The following FAM169A variants were observed in gnomAD, a reference collection of about 807,000 sequenced individuals.
FAM169A encodes the protein family with sequence similarity 169 member A, also known as soluble lamin-associated protein of 75 kDa.
A neutral mutation model predicts 75.7 loss-of-function variants in FAM169A; 24 were observed. The ratio of observed to expected loss-of-function variants is 0.32; its 90% CI spans 0.23 to 0.45. The LOEUF is 0.45. Among genes scored for constraint, FAM169A ranks in the 20% least tolerant of loss-of-function variants. FAM169A has a pLI of 1.00. For synonymous variants in FAM169A, 271 were observed against 271.0 expected (o/e 1.00, Z 0.00); for missense variants, 673 against 784.0 (o/e 0.86, Z 1.69).
chr5:74,852,908 G>C (rs1162066990), intron 1 of FAM169A, among the ~76,000 whole-genome samples: 2 of 152,096 alleles, frequency 1.3e-5, no homozygotes, highest in Non-Finnish European at 2.9e-5. Flanking sequence ...AGAACTGAAG[G>C]GAGACAAGTT....
intron 11 of FAM169A, among the ~76,000 whole-genome samples, chr5:74,789,250 T>C (rs1052290998): frequency 2.0e-5 from 3 of 152,206 alleles, no homozygotes; most frequent in Non-Finnish European, 2.9e-5. Flanking sequence ...ACTGGACTTA[T>C]TGATGAGACA....
chr5:74,853,358 C>G (rs1749541298), intron 1 of FAM169A, among the ~76,000 whole-genome samples: 1 of 152,192 alleles, frequency 6.6e-6, no homozygotes, highest in African/African-American at 2.4e-5. Context: ...ACATCTCATT[C>G]CTCGAAATGA....
intron 11 of FAM169A, among the ~76,000 whole-genome samples, chr5:74,788,751 G>A (rs560190970): frequency 1.3e-5 from 2 of 151,302 alleles, no homozygotes; most frequent in South Asian, 4.2e-4. Flanking sequence ...ACACAATATC[G>A]CATCCCTGGA....
At chr5:74,799,910 G>A (rs562001090) in intron 10 of FAM169A, 41 of 901,258 alleles carry the variant, frequency 4.5e-5, no homozygotes, top group Non-Finnish European at 6.4e-5. Context: ...TCTGCAACAC[G>A]GACAAGAGGG....
chr5:74,832,046 A>G (rs1388075364), intron 5 of FAM169A, among the ~76,000 whole-genome samples: 1 of 152,104 alleles, frequency 6.6e-6, no homozygotes, highest in Non-Finnish European at 1.5e-5. Context: ...ACAAGCAACT[A>G]TTTTCTGAAG....
At chr5:74,830,201 C>T (rs1385572384) in intron 5 of FAM169A, among the ~76,000 whole-genome samples, 1 of 152,022 alleles carries the variant, frequency 6.6e-6, no homozygotes, top group African/African-American at 2.4e-5. Context: ...GAAAGAGAAG[C>T]CCTTGATGAT....
rs979455312 is a variant in FAM169A at position 74,781,808 on chromosome 5, C to T, written c.1665G>A (p.Pro555=). The T allele has an allele frequency of 3.7e-6, 6 of 1,613,894 alleles. No homozygotes were observed. The African/African-American group carries it at 4.0e-5, about 11-fold the overall frequency. Residue 555 remains proline, a synonymous_variant, in exon 13 of 13, where the codon CCG becomes CCA. Coordinates refer to ENST00000687041, the MANE Select transcript of FAM169A (RefSeq NM_001376049.1). ...NSVIAEFSEE[P]VSENLSPNTT... is the part of the protein sequence containing the mutation. ...TATTAGGAGACAAATTCTCAGAGACCGGTTCTTCGGAAAATTCAGCTATCA... is the reference window on the plus strand; with the variant it reads ...TATTAGGAGACAAATTCTCAGAGACTGGTTCTTCGGAAAATTCAGCTATCA...
chr5:74,830,439 T>C (rs920573660), intron 5 of FAM169A, among the ~76,000 whole-genome samples: 3 of 152,158 alleles, frequency 2.0e-5, no homozygotes, highest in Non-Finnish European at 2.9e-5. Flanking sequence ...TGTGAAGATG[T>C]GCTCTAATCC....
chr5:74,784,607 TAAAAAAAAAAAA>T (rs70976133), intron 11 of FAM169A, among the ~76,000 whole-genome samples: 1 of 60,564 alleles, frequency 1.7e-5, no homozygotes. Context: ...CAACCCAGGC[TAAAAAAAAAAAA>T]AAAAAAAAAA....
chr5:74,820,231 G>A (rs1747705962), intron 5 of FAM169A, among the ~76,000 whole-genome samples: 1 of 151,844 alleles, frequency 6.6e-6, no homozygotes, highest in African/African-American at 2.4e-5. Context: ...CCTAACCTCA[G>A]GTGATCCACC....
Position 74,839,413 on chromosome 5 carries a change from C to A in FAM169A, c.233-363G>T, listed in dbSNP as rs112100681. ...TTCCTCCTTCACACACGTGCGCACA[C>A]ACTCTCTCTTGCCTGCAACCATGTA... is the stretch of plus-strand genomic sequence containing the variant. On this transcript the variant is annotated intron_variant, in intron 3 of 12. Coordinates refer to ENST00000687041, the MANE Select transcript of FAM169A (RefSeq NM_001376049.1). Among the ~76,000 whole-genome samples the A allele has an allele frequency of 4.4e-3, 667 of 152,204 alleles. 5 individuals carry two copies. Among genetic ancestry groups the A allele is most frequent in the African/African-American group, 0.014 (583 of 41,540 alleles).
chr5:74,801,659 T>C (rs1746585952), intron 8 of FAM169A, 30 bp from the exon 9 acceptor site: 1 of 1,560,042 alleles, frequency 6.4e-7, no homozygotes, highest in Non-Finnish European at 8.8e-7. Context: ...AAACCCAAAG[T>C]TTTAGACTAT....
intron 2 of FAM169A, among the ~76,000 whole-genome samples, 162 bp from the exon 3 acceptor site, chr5:74,840,335 C>T (rs1020521984): frequency 1.3e-5 from 2 of 152,024 alleles, no homozygotes; most frequent in African/African-American, 4.8e-5. Flanking sequence ...ATCAGATAGA[C>T]TTCCCTTTTG....
chr5:74,865,508 C>T (rs948253419), intron 1 of FAM169A: 2 of 152,128 alleles, frequency 1.3e-5, no homozygotes, highest in Non-Finnish European at 2.9e-5. Flanking sequence ...TCCAGACCCC[C>T]GAGCCATAAA....
intron 2 of FAM169A, among the ~76,000 whole-genome samples, chr5:74,840,692 G>C (rs1257675342): frequency 6.6e-6 from 1 of 151,890 alleles, no homozygotes; most frequent in African/African-American, 2.4e-5. Context: ...AGCCGGGCAT[G>C]GTGGTGGGCG....
Position 74,781,835 on chromosome 5 carries a change from A to G in FAM169A, c.1638T>C (p.Ser546=). 1 of 1,614,132 alleles carries G rather than the reference A, an allele frequency of 6.2e-7. No homozygotes were observed. The highest frequency in any genetic ancestry group is 8.5e-7 in the Non-Finnish European group (1 of 1,180,010). ...EERSDGGFPN[S]VIAEFSEEPV... ...GTTCTTCGGAAAATTCAGCTATCAC[A>G]GAGTTTGGAAAACCACCATCAGATC... Residue 546 remains serine (S), a synonymous_variant, in exon 13 of 13, where the codon TCT becomes TCC. Transcript: ENST00000687041.
chr5:74,859,287 C>CT (rs1020109342), intron 1 of FAM169A, among the ~76,000 whole-genome samples: 3,061 of 129,066 alleles, frequency 0.024, 124 homozygotes, highest in Non-Finnish European at 0.033. Flanking sequence ...AAGGTTTTCT[C>CT]TTTTTTTTTT....
chr5:74,812,374 A>G (rs1159993144), intron 6 of FAM169A, among the ~76,000 whole-genome samples: 1 of 150,420 alleles, frequency 6.6e-6, no homozygotes, highest in Non-Finnish European at 1.5e-5. Context: ...CGATCCACCC[A>G]CCTCGGGCTC....
chr5:74,788,352 G>T (rs1745801428), intron 11 of FAM169A, among the ~76,000 whole-genome samples: 1 of 152,172 alleles, frequency 6.6e-6, no homozygotes, highest in Non-Finnish European at 1.5e-5. Context: ...CTGGTGGGGT[G>T]AGGGCTATTA....
Sources: allele counts gnomAD v4.1 joint callset (sites outside exome capture counted in the v4.1 genomes callset), GRCh38; gene constraint gnomAD v4.1.1; transcripts MANE v1.5; gene names NCBI Gene and HGNC (gene_info 2026-07-23, HGNC 2026-07-21).